Variants in MYO1E observed in about 807,000 individuals in gnomAD.
The protein encoded by MYO1E is myosin IE.
A neutral mutation model predicts 151.1 loss-of-function variants in MYO1E; 68 were observed. That is an observed-to-expected ratio of 0.45 (90% CI 0.37 to 0.55). MYO1E has a LOEUF of 0.55. Ranked by LOEUF, MYO1E falls within the 20% of genes least tolerant of loss-of-function variation. The pLI, the probability that MYO1E is intolerant of heterozygous loss-of-function variation, is 0.00. For synonymous variants in MYO1E, 601 were observed against 501.7 expected (o/e 1.20, Z -2.64); for missense variants, 1,363 against 1,389.3 (o/e 0.98, Z 0.30).
chr15:59,262,560 G>A (rs2080230471), intron 2 of MYO1E, among the ~76,000 whole-genome samples: 1 of 152,120 alleles, frequency 6.6e-6, no homozygotes, highest in Admixed American at 6.5e-5. Context: ...GCCAGGAGTC[G>A]GAGGTTGCAG....
intron 4 of MYO1E, among the ~76,000 whole-genome samples, chr15:59,246,069 A>G (rs1401043900): frequency 6.6e-6 from 1 of 152,216 alleles, no homozygotes; most frequent in Non-Finnish European, 1.5e-5. Flanking sequence ...GTACCTACCA[A>G]GCCTTCAGGT....
intron 9 of MYO1E, chr15:59,218,300 A>C (rs767909454): frequency 3.5e-5 from 24 of 680,618 alleles, no homozygotes; most frequent in Non-Finnish European, 5.6e-5. Context: ...GTTTTATGAC[A>C]TGAGTCAATT....
At chr15:59,326,331 A>C (rs1431359387) in intron 1 of MYO1E, among the ~76,000 whole-genome samples, 1 of 152,126 alleles carries the variant, frequency 6.6e-6, no homozygotes, top group Non-Finnish European at 1.5e-5. Flanking sequence ...CATCCTGGCC[A>C]ACATGGTGAA....
At position 59,249,357 on chromosome 15, in the gene MYO1E, A is replaced by G. The variant is rs374142904; in HGVS notation, c.332+6927T>C. 9.9e-5 allele frequency among the ~76,000 whole-genome samples: 15 copies of G among 151,344 alleles called. No individual in the cohort carries two copies. The South Asian group carries it at 1.3e-3, about 13-fold the overall frequency. On this transcript the variant is annotated intron_variant, in intron 4 of 27. Transcript: ENST00000288235. ...AGAAAATCACTTGTACCTGGGAGGC[A>G]GAGGTTGCAGTGAGCTGAGATCACG... is the stretch of plus-strand genomic sequence containing the variant.
At chr15:59,184,662 G>GT (rs761290711) in intron 18 of MYO1E, among the ~76,000 whole-genome samples, 3 of 152,152 alleles carry the variant, frequency 2.0e-5, no homozygotes, top group Admixed American at 6.5e-5. Context: ...CACCCAGCCT[G>GT]TATCACATTT....
chr15:59,331,704 G>C (rs2080699053), intron 1 of MYO1E, among the ~76,000 whole-genome samples: 1 of 152,116 alleles, frequency 6.6e-6, no homozygotes, highest in Non-Finnish European at 1.5e-5. Flanking sequence ...ATTTCATTAG[G>C]TTAACAGGTC....
chr15:59,179,757 G>A (rs1175730280), intron 18 of MYO1E, among the ~76,000 whole-genome samples: 1 of 152,222 alleles, frequency 6.6e-6, no homozygotes, highest in Non-Finnish European at 1.5e-5. Flanking sequence ...AGATTATCCA[G>A]TCTACTATAC....
intron 6 of MYO1E, among the ~76,000 whole-genome samples, chr15:59,227,966 C>G (rs1276459465): frequency 2.0e-5 from 3 of 152,156 alleles, no homozygotes; most frequent in African/African-American, 7.2e-5. Context: ...CATCTCATGG[C>G]TTTGAGCAAA....
At chr15:59,277,431 G>T (rs1180719296) in intron 1 of MYO1E, among the ~76,000 whole-genome samples, 1 of 151,848 alleles carries the variant, frequency 6.6e-6, no homozygotes, top group African/African-American at 2.4e-5. Context: ...TGTAGTCCCG[G>T]CTACTCGGGA....
chr15:59,182,973 G>A (rs942853622), intron 18 of MYO1E, among the ~76,000 whole-genome samples: 11 of 152,158 alleles, frequency 7.2e-5, no homozygotes, highest in African/African-American at 1.9e-4. Flanking sequence ...TAGATCCCTC[G>A]CACGTGCAGT....
In MYO1E at chr15:59,207,403, C is replaced by T. The variant is rs754378784; in HGVS notation, c.1530+1278G>A. The T allele has an allele frequency of 9.9e-6, 16 of 1,613,894 alleles. No individual in the cohort carries two copies. Among genetic ancestry groups the T allele is most frequent in the African/African-American group, 2.7e-5 (2 of 74,888 alleles). ...TGCACGCCAAGAAAAGGGAGAAACG[C>T]GCCTTAATTTAGTCCAGCGAAATGT... On this transcript the variant is annotated intron_variant, in intron 14 of 27. Transcript: ENST00000288235.
intron 19 of MYO1E, among the ~76,000 whole-genome samples, chr15:59,176,137 C>T (rs956885137): frequency 6.6e-6 from 1 of 151,932 alleles, no homozygotes; most frequent in Admixed American, 6.5e-5. Flanking sequence ...CGGCCCACTG[C>T]AAGCTCTGCC....
At chr15:59,201,456 G>A (rs2079801600) in intron 16 of MYO1E, among the ~76,000 whole-genome samples, 2 of 146,910 alleles carry the variant, frequency 1.4e-5, no homozygotes, top group South Asian at 4.3e-4. Context: ...CGAGGCTGGA[G>A]TGCAATCGCG....
intron 4 of MYO1E, among the ~76,000 whole-genome samples, chr15:59,247,428 T>C (rs1257972240): frequency 6.6e-6 from 1 of 152,194 alleles, no homozygotes; most frequent in Non-Finnish European, 1.5e-5. Context: ...CAGGGCTAAA[T>C]TCAAATAGAG....
intron 1 of MYO1E, among the ~76,000 whole-genome samples, chr15:59,298,288 C>G (rs1188192377): frequency 6.6e-6 from 1 of 152,202 alleles, no homozygotes; most frequent in Non-Finnish European, 1.5e-5. Context: ...TTCAGACAGT[C>G]AAGGGCCATG....
At chr15:59,295,410 G>A (rs1485779505) in intron 1 of MYO1E, among the ~76,000 whole-genome samples, 8 of 152,164 alleles carry the variant, frequency 5.3e-5, no homozygotes, top group Non-Finnish European at 1.0e-4. Flanking sequence ...GGAAACGGTA[G>A]CCTCGGTTAA....
At position 59,284,316 on chromosome 15, in the gene MYO1E, G is replaced by C. The variant is rs533431537; in HGVS notation, c.4-11867C>G. On this transcript the variant is annotated intron_variant, in intron 1 of 27. Coordinates refer to ENST00000288235, the MANE Select transcript of MYO1E (RefSeq NM_004998.4). ...CAAGGAAGAAATAAGTTTCCAAGGC[G>C]TTCCTATTTGCCCCCAACTCAGGAG... is the stretch of plus-strand genomic sequence containing the variant. 5.9e-5 allele frequency among the ~76,000 whole-genome samples: 9 copies of C among 152,312 alleles called. No homozygotes were observed. The East Asian group carries it at 9.6e-4, about 16-fold the overall frequency.
intron 1 of MYO1E, among the ~76,000 whole-genome samples, chr15:59,363,798 C>T (rs548540505): frequency 2.6e-5 from 4 of 152,246 alleles, no homozygotes; most frequent in South Asian, 2.1e-4. Flanking sequence ...TTTTTGGAGA[C>T]GGAATCTTGC....
chr15:59,168,935 C>T (rs1596349479), intron 22 of MYO1E, among the ~76,000 whole-genome samples: 2 of 152,264 alleles, frequency 1.3e-5, no homozygotes, highest in East Asian at 3.9e-4. Context: ...ATTTCATGCT[C>T]AAATGTTTCA....
Sources: allele counts gnomAD v4.1 joint callset (sites outside exome capture counted in the v4.1 genomes callset), GRCh38; gene constraint gnomAD v4.1.1; transcripts MANE v1.5; gene names NCBI Gene and HGNC (gene_info 2026-07-23, HGNC 2026-07-21).